DNAH12: variants seen among roughly 807,000 people sequenced by gnomAD.
DNAH12 encodes the protein axonemal beta dynein heavy chain 12.
Under a neutral mutation model 371.5 loss-of-function variants are expected in DNAH12, and 285 were observed. The ratio of observed to expected loss-of-function variants is 0.77; its 90% CI spans 0.70 to 0.85. The LOEUF is 0.85. DNAH12 is among the 40% of genes least tolerant of loss of function. The probability of loss-of-function intolerance (pLI) is 0.00; values close to 1 mark genes in which losing one functional copy is unlikely to be tolerated. For synonymous variants in DNAH12, 1,200 were observed against 1,213.0 expected, an observed-to-expected ratio of 0.99 and a Z score of 0.22; for missense variants, 3,611 against 3,689.4, an observed-to-expected ratio of 0.98 and a Z score of 0.55.
At chr3:57,458,554 A>G (rs1188309196) in intron 20 of DNAH12, among the ~76,000 whole-genome samples, 3 of 152,206 alleles carry the variant, frequency 2.0e-5, no homozygotes, top group Non-Finnish European at 4.4e-5. Flanking sequence ...TCAACCATAA[A>G]TGTAACAATT....
chr3:57,411,012 G>A (rs1257824383), intron 39 of DNAH12, among the ~76,000 whole-genome samples: 9 of 151,546 alleles, frequency 5.9e-5, no homozygotes, highest in African/African-American at 1.9e-4. Context: ...TCATACTAAG[G>A]GCTAGCAATA....
chr3:57,449,382 G>A (rs11927103), intron 25 of DNAH12, among the ~76,000 whole-genome samples: 64,530 of 152,128 alleles, frequency 0.42, 15,283 homozygotes, highest in South Asian at 0.57. Context: ...GGGACTGGGC[G>A]CCATGGAGCA....
chr3:57,431,442 A>G (rs1273427866), intron 32 of DNAH12, among the ~76,000 whole-genome samples: 1 of 152,190 alleles, frequency 6.6e-6, no homozygotes, highest in Non-Finnish European at 1.5e-5. Flanking sequence ...ATAATACACA[A>G]TTCTGAAATA....
chr3:57,527,938 A>G (rs1439951118), intron 2 of DNAH12, among the ~76,000 whole-genome samples: 2 of 152,186 alleles, frequency 1.3e-5, no homozygotes, highest in Non-Finnish European at 2.9e-5. Flanking sequence ...GGTATTACTC[A>G]AGAAATCTTT....
intron 42 of DNAH12, among the ~76,000 whole-genome samples, chr3:57,404,442 G>A (rs1425481578): frequency 6.6e-6 from 1 of 152,180 alleles, no homozygotes; most frequent in African/African-American, 2.4e-5. Context: ...TCGGCCAGGT[G>A]TGGTGGCTCA....
At chr3:57,483,061 T>TA (rs1252771838) in intron 13 of DNAH12, among the ~76,000 whole-genome samples, 1 of 139,164 alleles carries the variant, frequency 7.2e-6, no homozygotes, top group Non-Finnish European at 1.6e-5. Context: ...CCCTAAAACT[T>TA]AAAGTATAAT....
intron 65 of DNAH12, among the ~76,000 whole-genome samples, chr3:57,319,848 G>A (rs374479513): frequency 6.6e-6 from 1 of 151,712 alleles, no homozygotes; most frequent in Admixed American, 6.6e-5. Context: ...GTCTCCCAAA[G>A]TGACAGGATT....
At position 57,405,130 on chromosome 3, in the gene DNAH12, T is replaced by G; in HGVS notation, c.6594A>C (p.Leu2198Phe). 6.5e-7 allele frequency: 1 copy of G among 1,536,142 alleles called. No homozygotes were observed. The highest frequency in any genetic ancestry group is 8.8e-7 in the Non-Finnish European group (1 of 1,142,820). ...TATAATCACCAAACATGAGATTTCT[T>G]AAGTCTTCTTCAGTTACCTATAGAA... ...KQNAPVTEED[L>F]RNLMFGDYMN... The change falls in exon 42 of 74, where the codon TTA (leucine) becomes TTC (phenylalanine). Residue 2198 changes from leucine (L) to phenylalanine (F), a missense_variant. This residue lies in a region of DNAH12 where 2,266 missense variants were observed against 2,236.9 expected (regional missense o/e 1.01). Coordinates refer to ENST00000495027, the MANE Select transcript of DNAH12 (RefSeq NM_001366028.2).
At chr3:57,534,628 C>T (rs902569241) in intron 2 of DNAH12, among the ~76,000 whole-genome samples, 2 of 151,432 alleles carry the variant, frequency 1.3e-5, no homozygotes, top group Non-Finnish European at 2.9e-5. Flanking sequence ...CCTGCCTCAG[C>T]ATCCCAAGTA....
At chr3:57,320,394 C>G (rs987646098) in intron 65 of DNAH12, among the ~76,000 whole-genome samples, 34 of 152,142 alleles carry the variant, frequency 2.2e-4, no homozygotes, top group African/African-American at 7.7e-4. Context: ...AAAGTGAGTA[C>G]AGCAGGCAGA....
intron 70 of DNAH12, among the ~76,000 whole-genome samples, chr3:57,300,921 G>A (rs2061331285): frequency 6.6e-6 from 1 of 152,144 alleles, no homozygotes; most frequent in Non-Finnish European, 1.5e-5. Flanking sequence ...TTATGCTGGG[G>A]GGAGGGCAGA....
intron 49 of DNAH12, among the ~76,000 whole-genome samples, chr3:57,382,881 T>C (rs2063423922): frequency 1.3e-5 from 2 of 152,226 alleles, no homozygotes; most frequent in African/African-American, 4.8e-5. Flanking sequence ...CACTCCAATA[T>C]ATTTCTGACA....
intron 66 of DNAH12, 23 bp from the exon 67 acceptor site, chr3:57,310,973 C>T (rs773384765): frequency 6.8e-7 from 1 of 1,463,006 alleles, no homozygotes. Context: ...AAAAATGAAA[C>T]AAGAAAAACC....
intron 11 of DNAH12, among the ~76,000 whole-genome samples, chr3:57,498,993 C>T (rs1471937151): frequency 4.7e-5 from 6 of 127,414 alleles, no homozygotes; most frequent in South Asian, 2.7e-4. Context: ...AGCAAGACTC[C>T]GTCTCAAAAA....
chr3:57,355,900 A>G (rs2062785994), intron 59 of DNAH12, among the ~76,000 whole-genome samples: 1 of 152,230 alleles, frequency 6.6e-6, no homozygotes, highest in South Asian at 2.1e-4. Context: ...AGTAAATACC[A>G]GACATTGTTA....
intron 62 of DNAH12, among the ~76,000 whole-genome samples, chr3:57,327,727 A>G (rs1322898999): frequency 1.3e-5 from 2 of 152,016 alleles, no homozygotes; most frequent in Non-Finnish European, 2.9e-5. Context: ...AACTGAAGGA[A>G]ATAGAGACAC....
At chr3:57,491,015 G>C (rs1159093600) in intron 11 of DNAH12, among the ~76,000 whole-genome samples, 1 of 142,086 alleles carries the variant, frequency 7.0e-6, no homozygotes, top group Non-Finnish European at 1.5e-5. Context: ...CTGAGAGGTA[G>C]AGATTGCAGT....
At chr3:57,362,375 T>C (rs1164368274) in intron 58 of DNAH12, among the ~76,000 whole-genome samples, 1 of 152,248 alleles carries the variant, frequency 6.6e-6, no homozygotes, top group Non-Finnish European at 1.5e-5. Flanking sequence ...CCTTTGGGTA[T>C]ATACCCAGTA....
In DNAH12 at chr3:57,369,228, A is replaced by AAT. The variant is rs1189250482; in HGVS notation, c.8760-970_8760-969dup. Among the ~76,000 whole-genome samples the AAT allele has an allele frequency of 6.3e-3, 827 of 131,682 alleles. 9 individuals are homozygous for AAT. Among genetic ancestry groups the AAT allele is most frequent in the African/African-American group, 0.016 (602 of 36,876 alleles). The allele number at this position is 131,682 out of a possible 152,430, so 86.4% of individuals were successfully genotyped here. A position where few individuals can be genotyped will look rare whatever the true frequency, so the allele number is the denominator to read the frequency against. ...AAGATTGAAACTCCATTAAAAAAAAAATATATATATATATATATATAAAAC... is the reference window on the plus strand; with the variant it reads ...AAGATTGAAACTCCATTAAAAAAAAAATATATATATATATATATATATAAAAC... On this transcript the variant is annotated intron_variant, in intron 55 of 73. Transcript: ENST00000495027.
Sources: allele counts gnomAD v4.1 joint callset (sites outside exome capture counted in the v4.1 genomes callset), GRCh38; gene constraint gnomAD v4.1.1; regional missense constraint gnomAD v4.1.1; transcripts MANE v1.5; gene names NCBI Gene and HGNC (gene_info 2026-07-23, HGNC 2026-07-21).